SH3GL2: variants seen among roughly 807,000 people sequenced by gnomAD.
SH3GL2 encodes SH3 domain containing GRB2 like 2, endophilin A1.
A neutral mutation model predicts 46.0 loss-of-function variants in SH3GL2; 24 were observed. The ratio of observed to expected loss-of-function variants is 0.52; its 90% CI spans 0.38 to 0.73. The LOEUF is 0.73. SH3GL2 is among the 30% of genes least tolerant of loss of function. SH3GL2 has a pLI of 0.00. For missense variants in SH3GL2, 413 were observed against 424.2 expected (o/e 0.97, Z 0.23); for synonymous variants, 196 against 147.1 (o/e 1.33, Z -2.40).
intron 2 of SH3GL2, chr9:17,755,666 A>G (rs1822966859): frequency 1.2e-5 from 4 of 331,282 alleles, no homozygotes; most frequent in Admixed American, 6.5e-5. Context: ...TAAGGTGTCT[A>G]TGTTTTTCTT....
chr9:17,626,633 G>C (rs1183336984), intron 1 of SH3GL2, among the ~76,000 whole-genome samples: 1 of 152,192 alleles, frequency 6.6e-6, no homozygotes, highest in African/African-American at 2.4e-5. Flanking sequence ...AATAAGGAAT[G>C]TGTAAGGATC....
At chr9:17,691,746 A>C (rs1821084311) in intron 1 of SH3GL2, among the ~76,000 whole-genome samples, 1 of 152,152 alleles carries the variant, frequency 6.6e-6, no homozygotes, top group South Asian at 2.1e-4. Context: ...ATTCACTAAC[A>C]ATATAGATTA....
intron 1 of SH3GL2, among the ~76,000 whole-genome samples, chr9:17,738,575 T>TATATAGAG (rs146902227): frequency 2.8e-5 from 3 of 108,264 alleles, no homozygotes; most frequent in East Asian, 2.6e-4. Flanking sequence ...CATATATATA[T>TATATAGAG]AGAGAGAGAG....
chr9:17,772,838 C>G (rs1823528840), intron 3 of SH3GL2, among the ~76,000 whole-genome samples: 1 of 152,078 alleles, frequency 6.6e-6, no homozygotes, highest in African/African-American at 2.4e-5. Context: ...ACTCTGCTTT[C>G]AATTATTTTG....
intron 1 of SH3GL2, among the ~76,000 whole-genome samples, chr9:17,627,450 T>C (rs549748932): frequency 9.2e-4 from 140 of 152,280 alleles, no homozygotes; most frequent in African/African-American, 3.2e-3. Flanking sequence ...AACTGTGACC[T>C]TCTTGGCTAT....
At chr9:17,768,998 A>G (rs1823397026) in intron 3 of SH3GL2, among the ~76,000 whole-genome samples, 1 of 152,182 alleles carries the variant, frequency 6.6e-6, no homozygotes, top group African/African-American at 2.4e-5. Flanking sequence ...TCAAACACAC[A>G]GGCACTATTG....
intron 5 of SH3GL2, among the ~76,000 whole-genome samples, chr9:17,789,082 T>G (rs1396494384): frequency 1.3e-5 from 2 of 152,238 alleles, no homozygotes; most frequent in African/African-American, 4.8e-5. Context: ...ATTCCTTCTC[T>G]GTTTCTGTCA....
chr9:17,638,422 T>TA (rs1166590092), intron 1 of SH3GL2, among the ~76,000 whole-genome samples: 2 of 152,196 alleles, frequency 1.3e-5, no homozygotes, highest in Non-Finnish European at 2.9e-5. Flanking sequence ...GTATCTTACT[T>TA]ACAGTAGAGA....
chr9:17,622,669 G>C (rs1214216837), intron 1 of SH3GL2, among the ~76,000 whole-genome samples: 2 of 152,172 alleles, frequency 1.3e-5, no homozygotes, highest in Admixed American at 6.5e-5. Flanking sequence ...TTTCTCATGT[G>C]ACCCTGGGTT....
chr9:17,644,568 A>T (rs12000665), intron 1 of SH3GL2, among the ~76,000 whole-genome samples: 3,588 of 152,172 alleles, frequency 0.024, 131 homozygotes, highest in African/African-American at 0.082. Context: ...TTCTGCCTTA[A>T]TTTTGATATT....
chr9:17,790,762 A>G (rs1231840594), intron 6 of SH3GL2, among the ~76,000 whole-genome samples: 1 of 152,352 alleles, frequency 6.6e-6, no homozygotes, highest in Non-Finnish European at 1.5e-5. Flanking sequence ...CAGAGAGCAC[A>G]GAAGATTTTC....
chr9:17,664,810 TC>T (rs543272238), intron 1 of SH3GL2, among the ~76,000 whole-genome samples: 36 of 152,060 alleles, frequency 2.4e-4, no homozygotes, highest in Middle Eastern at 3.4e-3. Flanking sequence ...CCTTCTTTTT[TC>T]CCCTTTTAAT....
At chr9:17,730,197 C>T (rs765262278) in intron 1 of SH3GL2, among the ~76,000 whole-genome samples, 2 of 152,000 alleles carry the variant, frequency 1.3e-5, no homozygotes, top group Admixed American at 6.6e-5. Flanking sequence ...AGTTGGATTC[C>T]TAGGCTTTTT....
intron 1 of SH3GL2, among the ~76,000 whole-genome samples, chr9:17,677,483 T>A (rs1256314451): frequency 6.6e-6 from 1 of 152,176 alleles, no homozygotes; most frequent in Non-Finnish European, 1.5e-5. Context: ...ATTCCCCTTA[T>A]GCATTAAATG....
intron 1 of SH3GL2, among the ~76,000 whole-genome samples, chr9:17,585,601 C>T (rs1184397291): frequency 6.6e-6 from 1 of 152,172 alleles, no homozygotes; most frequent in Non-Finnish European, 1.5e-5. Flanking sequence ...AGAGCAGGAT[C>T]AGCTAAGCAG....
intron 1 of SH3GL2, among the ~76,000 whole-genome samples, chr9:17,598,299 A>C (rs941861143): frequency 6.6e-6 from 1 of 152,230 alleles, no homozygotes; most frequent in Non-Finnish European, 1.5e-5. Context: ...CTTGAGGGTA[A>C]AGAACTACTT....
At chr9:17,583,786 C>G (rs1013563912) in intron 1 of SH3GL2, among the ~76,000 whole-genome samples, 3 of 152,026 alleles carry the variant, frequency 2.0e-5, no homozygotes, top group East Asian at 3.9e-4. Context: ...TTTGTTTTAC[C>G]TAATTTCCTC....
intron 1 of SH3GL2, among the ~76,000 whole-genome samples, chr9:17,687,534 C>CA (rs1187873502): frequency 6.8e-6 from 1 of 147,178 alleles, no homozygotes; most frequent in African/African-American, 2.7e-5. Flanking sequence ...CAATTGTCAA[C>CA]ATACAGCATA....
chr9:17,675,042 G>T (rs1479397274), intron 1 of SH3GL2, among the ~76,000 whole-genome samples: 2 of 152,186 alleles, frequency 1.3e-5, no homozygotes, highest in Non-Finnish European at 2.9e-5. Flanking sequence ...GTTTGTTGCT[G>T]TCAGCACAGT....
Sources: allele counts gnomAD v4.1 joint callset (sites outside exome capture counted in the v4.1 genomes callset), GRCh38; gene constraint gnomAD v4.1.1; transcripts MANE v1.5; gene names NCBI Gene and HGNC (gene_info 2026-07-23, HGNC 2026-07-21).